FRK: variants seen among roughly 807,000 people sequenced by gnomAD.
FRK encodes fyn related Src family tyrosine kinase, also known as tyrosine-protein kinase FRK.
A neutral mutation model predicts 56.4 loss-of-function variants in FRK; 51 were observed. The ratio of observed to expected loss-of-function variants is 0.90; its 90% CI spans 0.72 to 1.14. FRK has a LOEUF of 1.14. Ranked by LOEUF, FRK falls within the 50% of genes most tolerant of loss-of-function variation. The probability of loss-of-function intolerance (pLI) is 0.00; values close to 1 mark genes in which losing one functional copy is unlikely to be tolerated. For missense variants in FRK, 570 were observed against 601.4 expected, an observed-to-expected ratio of 0.95 and a Z score of 0.55; for synonymous variants, 245 against 217.9, an observed-to-expected ratio of 1.12 and a Z score of -1.10.
At chr6:116,005,862 T>A (rs1254744468) in intron 1 of FRK, among the ~76,000 whole-genome samples, 1 of 152,124 alleles carries the variant, frequency 6.6e-6, no homozygotes, top group South Asian at 2.1e-4. Flanking sequence ...GGAAAAAAAC[T>A]GATGCTACCT....
Position 115,937,909 on chromosome 6 carries a change from A to G in FRK, c.*4505T>C, listed in dbSNP as rs1300662945. 1 of 152,230 alleles carries G rather than the reference A, an allele frequency of 6.6e-6. No homozygotes were observed. Among genetic ancestry groups the G allele is most frequent in the African/African-American group, 2.4e-5 (1 of 41,450 alleles). 9.4% of individuals were successfully genotyped at this position (152,230 alleles called of 1,614,324 possible). A position where few individuals can be genotyped will look rare whatever the true frequency, so the allele number is the denominator to read the frequency against. On this transcript the variant is annotated 3_prime_UTR_variant, in exon 8 of 8. Coordinates refer to ENST00000606080, the MANE Select transcript of FRK (RefSeq NM_002031.3). ...TTTAACAGCCTGCTGTCAATATTAG[A>G]CAGATAAATGAGACAGAAAATTAAC...
intron 2 of FRK, among the ~76,000 whole-genome samples, chr6:115,997,476 A>C (rs1395967367): frequency 6.6e-6 from 1 of 151,014 alleles, no homozygotes; most frequent in Non-Finnish European, 1.5e-5. Flanking sequence ...TTGTATGTTC[A>C]CTCATATGTG....
rs1234562137 is a variant in FRK at position 115,936,204 on chromosome 6, T to G, written c.*6210A>C. On this transcript the variant is annotated 3_prime_UTR_variant, in exon 8 of 8. Transcript: ENST00000606080. ...ACTCGTGACACCAAGGCAAACAGCA[T>G]CTGGAGTGGACCTCCAGCAAACTCC... 1 of 155,514 alleles carries G rather than the reference T, an allele frequency of 6.4e-6. No homozygotes were observed. The highest frequency in any genetic ancestry group is 6.5e-5 in the Admixed American group (1 of 15,320). 9.6% of individuals were successfully genotyped at this position (155,514 alleles called of 1,614,324 possible).
At chr6:115,965,445 G>C (rs784015) in intron 4 of FRK, among the ~76,000 whole-genome samples, 2,823 of 7,252 alleles carry the variant, frequency 0.39, 643 homozygotes, top group African/African-American at 0.52. Flanking sequence ...CTTTTACACT[G>C]TTGGTGGGAC....
chr6:116,038,230 A>C (rs1361881625), intron 1 of FRK, among the ~76,000 whole-genome samples: 1 of 152,228 alleles, frequency 6.6e-6, no homozygotes, highest in African/African-American at 2.4e-5. Context: ...CAAGCTCAGA[A>C]AGGCAATTTA....
chr6:116,005,388 T>A lies in FRK; in HGVS notation c.345-1390A>T, dbSNP rs1409103915. On this transcript the variant is annotated intron_variant, in intron 1 of 7. Transcript: ENST00000606080. ...GGGAGTTTCTATCTCCATGCTTCCATGATTGCTGAGCCAGGATTGGAAAAT... is the reference window on the plus strand; with the variant it reads ...GGGAGTTTCTATCTCCATGCTTCCAAGATTGCTGAGCCAGGATTGGAAAAT... Among the ~76,000 whole-genome samples the A allele has an allele frequency of 2.6e-5, 4 of 152,320 alleles. No homozygotes were observed. The East Asian group carries it at 7.7e-4, about 29-fold the overall frequency.
chr6:116,077,325 C>G, the FRK span, among the ~76,000 whole-genome samples: 51 of 152,214 alleles, frequency 3.4e-4, no homozygotes, highest in Non-Finnish European at 6.8e-4. Context: ...TCACATAGGG[C>G]TTAGCTGTGC....
chr6:116,043,096 A>G (rs553220156), intron 1 of FRK, among the ~76,000 whole-genome samples: 4 of 152,378 alleles, frequency 2.6e-5, no homozygotes, highest in African/African-American at 9.6e-5. Flanking sequence ...GCAAGTTCTT[A>G]GAGACCTACA....
chr6:116,072,530 AAC>A, the FRK span, among the ~76,000 whole-genome samples: 455 of 144,852 alleles, frequency 3.1e-3, 7 homozygotes, highest in South Asian at 0.021. Flanking sequence ...AGGTTAAATA[AAC>A]ACACACACAC....
intron 1 of FRK, among the ~76,000 whole-genome samples, chr6:116,022,666 G>C (rs1245171945): frequency 6.6e-6 from 1 of 152,080 alleles, no homozygotes; most frequent in Non-Finnish European, 1.5e-5. Context: ...TTCTCATTCT[G>C]AAAAGGGGCA....
chr6:116,073,645 C>T, the FRK span, among the ~76,000 whole-genome samples: 4 of 152,158 alleles, frequency 2.6e-5, no homozygotes, highest in Non-Finnish European at 5.9e-5. Context: ...TTAAAACTCT[C>T]GCAAGAAGCC....
At chr6:116,064,891 A>T (rs879558663), upstream of FRK, among the ~76,000 whole-genome samples, 2 of 152,238 alleles carry the variant, frequency 1.3e-5, no homozygotes, top group Admixed American at 6.5e-5. Context: ...TGTTAGCCAG[A>T]CTGGTTTATT....
intron 1 of FRK, among the ~76,000 whole-genome samples, chr6:116,042,839 C>T (rs1161991233): frequency 6.6e-6 from 1 of 151,960 alleles, no homozygotes; most frequent in East Asian, 1.9e-4. Context: ...TTCAGGAGAT[C>T]CATCTCACGT....
At chr6:116,034,608 A>G (rs2114770767) in intron 1 of FRK, among the ~76,000 whole-genome samples, 1 of 152,260 alleles carries the variant, frequency 6.6e-6, no homozygotes, top group African/African-American at 2.4e-5. Context: ...CGCAGAGAGA[A>G]GATCCATATT....
At chr6:115,970,865 A>G (rs1181801177) in intron 2 of FRK, among the ~76,000 whole-genome samples, 1 of 152,172 alleles carries the variant, frequency 6.6e-6, no homozygotes, top group African/African-American at 2.4e-5. Context: ...GAGAGTTATG[A>G]TCGATTGTGC....
chr6:116,052,262 C>A (rs1016341264), intron 1 of FRK, among the ~76,000 whole-genome samples: 1 of 151,880 alleles, frequency 6.6e-6, no homozygotes, highest in Non-Finnish European at 1.5e-5. Flanking sequence ...GTGAGTCTAA[C>A]CAAATATTAA....
intron 1 of FRK, among the ~76,000 whole-genome samples, chr6:116,029,878 T>C (rs1357045754): frequency 2.0e-5 from 3 of 152,144 alleles, no homozygotes; most frequent in Non-Finnish European, 4.4e-5. Flanking sequence ...CCTTAATCCC[T>C]TTTTTAACCT....
At position 115,932,822 on chromosome 6, in the gene FRK, G is replaced by C. The variant is rs549331686; in HGVS notation, c.*9592C>G. ...ACAGTTTCCTTTAGGCCTCCACAGA[G>C]TCGGAAGAGTTTGGGCCCCTCCTGG... On this transcript the variant is annotated 3_prime_UTR_variant, in exon 8 of 8. Coordinates refer to ENST00000606080, the MANE Select transcript of FRK (RefSeq NM_002031.3). 2 of 152,250 alleles carry C rather than the reference G, an allele frequency of 1.3e-5. No homozygotes were observed. The highest frequency in any genetic ancestry group is 6.5e-5 in the Admixed American group (1 of 15,290). 9.4% of individuals were successfully genotyped at this position (152,250 alleles called of 1,614,324 possible).
upstream of FRK, among the ~76,000 whole-genome samples, chr6:116,061,694 A>G (rs1003916841): frequency 1.3e-5 from 2 of 152,208 alleles, no homozygotes; most frequent in African/African-American, 2.4e-5. Flanking sequence ...ACAGCCGGGC[A>G]ATGAGTCTGG....
Sources: gnomAD v4.1 joint callset for allele counts (sites outside exome capture counted in the v4.1 genomes callset) on GRCh38, gnomAD v4.1.1 for gene constraint, MANE v1.5 for transcripts, NCBI Gene and HGNC (gene_info 2026-07-23, HGNC 2026-07-21) for gene names.